IL16: variants seen among roughly 807,000 people sequenced by gnomAD.
The protein encoded by IL16 is pro-interleukin-16.
In IL16, 67 loss-of-function variants were observed where a neutral mutation model predicts 110.1. The ratio of observed to expected loss-of-function variants is 0.61; its 90% confidence interval spans 0.50 to 0.75. The LOEUF is 0.75. Ranked by LOEUF, IL16 falls within the 30% of genes least tolerant of loss-of-function variation. IL16 has a pLI of 0.00. For missense variants in IL16, 1,545 were observed against 1,655.0 expected (o/e 0.93, Z 1.15); for synonymous variants, 689 against 662.9 (o/e 1.04, Z -0.61).
chr15:81,278,913 T>C, intron 7 of IL16, 23 bp downstream of exon 7: 2 of 1,547,230 alleles, frequency 1.3e-6, no homozygotes, highest in Non-Finnish European at 1.8e-6. Flanking sequence ...TATCAACACG[T>C]GACCAAACTC....
chr15:81,264,444 GC>G (rs1898286550), intron 3 of IL16, among the ~76,000 whole-genome samples: 1 of 152,088 alleles, frequency 6.6e-6, no homozygotes, highest in African/African-American at 2.4e-5. Flanking sequence ...TTCTTCTCAA[GC>G]TACCCTGGCC....
At chr15:81,195,667 C>T (rs2141932791), upstream of IL16, among the ~76,000 whole-genome samples, 1 of 152,312 alleles carries the variant, frequency 6.6e-6, no homozygotes, top group East Asian at 1.9e-4. Flanking sequence ...GTTGCACCTA[C>T]ACCCTCATTA....
Position 81,303,326 on chromosome 15 carries a change from A to C in IL16, c.3319-223A>C, listed in dbSNP as rs1338185256. Reference sequence around the variant, plus strand: ...GGGTGAATGAGAGAGGAAAATAATTATGCTTGCTGCTTTACATACATTTTT... The same window carrying C: ...GGGTGAATGAGAGAGGAAAATAATTCTGCTTGCTGCTTTACATACATTTTT... On this transcript the variant is annotated intron_variant, in intron 15 of 18. Transcript: ENST00000683961. This position sits in a 1 kb window ranked among gnomAD's most constrained non-coding sequence, Gnocchi z 4.1. 6 of 523,422 alleles carry C rather than the reference A, an allele frequency of 1.1e-5. No homozygotes were observed. Among genetic ancestry groups the C allele is most frequent in the Admixed American group, 3.3e-5 (1 of 29,876 alleles). The allele number at this position is 523,422 out of a possible 1,614,324, so 32.4% of individuals were successfully genotyped here. A position where few individuals can be genotyped will look rare whatever the true frequency, so the allele number is the denominator to read the frequency against.
At chr15:81,253,643 G>A (rs940620639) in intron 2 of IL16, among the ~76,000 whole-genome samples, 1 of 152,190 alleles carries the variant, frequency 6.6e-6, no homozygotes, top group African/African-American at 2.4e-5. Context: ...TGTGTATGGT[G>A]TGATAGAGGA....
chr15:81,304,711 G>C (rs1403734342), intron 16 of IL16, among the ~76,000 whole-genome samples: 1 of 152,098 alleles, frequency 6.6e-6, no homozygotes, highest in Non-Finnish European at 1.5e-5. Flanking sequence ...AATCTTCGTT[G>C]GCCTAAAAAT....
In IL16 at chr15:81,265,745, T is replaced by TG; in HGVS notation, c.509dup (p.Cys170TrpfsTer3). The TG allele has an allele frequency of 6.2e-7, 1 of 1,613,902 alleles. No homozygotes were observed. Among genetic ancestry groups the TG allele is most frequent in the Non-Finnish European group, 8.5e-7 (1 of 1,179,910 alleles). On this transcript the variant is annotated frameshift_variant, in exon 4 of 19. Coordinates refer to ENST00000683961, the MANE Select transcript of IL16 (RefSeq NM_172217.5). LOFTEE classifies it high-confidence loss of function. Reference sequence around the variant, plus strand: ...CACGGACAGGCAGCCTTACTCTCTCTGCAGTAACAGGAAGTCCCTCTCTCA... The same window carrying TG: ...CACGGACAGGCAGCCTTACTCTCTCTGGCAGTAACAGGAAGTCCCTCTCTCA...
chr15:81,245,897 G>A (rs1245289822), intron 2 of IL16, among the ~76,000 whole-genome samples: 2 of 151,774 alleles, frequency 1.3e-5, no homozygotes, highest in Non-Finnish European at 2.9e-5. Context: ...GTCTTCTTAT[G>A]TTTGTTTAAC....
At chr15:81,306,247 A>C in intron 17 of IL16, 81 bp downstream of exon 17, 2 of 1,547,726 alleles carry the variant, frequency 1.3e-6, no homozygotes, top group Non-Finnish European at 1.7e-6. Context: ...GGGGCTACTC[A>C]GTAATTTGTG....
rs1160729146 is a variant in IL16 at position 81,297,504 on chromosome 15, T to C, written c.2053+426T>C. 2.6e-5 allele frequency among the ~76,000 whole-genome samples: 4 copies of C among 152,288 alleles called. No homozygotes were observed. In the East Asian group the frequency reaches 5.8e-4, roughly 22 times the overall value. ...TAAATAGCATCTACCAGTGGTCACC[T>C]CCTCCATGAGGTGGATAGCAAGGGT... On this transcript the variant is annotated intron_variant, in intron 13 of 18. Transcript: ENST00000683961.
At chr15:81,194,474 A>G (rs1416221732), upstream of IL16, among the ~76,000 whole-genome samples, 2 of 151,230 alleles carry the variant, frequency 1.3e-5, no homozygotes, top group Admixed American at 6.6e-5. Flanking sequence ...TTAATTTTTA[A>G]AAATTAAATT....
intron 8 of IL16, 131 bp from the exon 9 acceptor site, chr15:81,282,508 C>T: frequency 2.8e-6 from 2 of 722,130 alleles, no homozygotes; most frequent in Non-Finnish European, 5.0e-6. Flanking sequence ...CACACAACGA[C>T]TACTCTGTGA....
At chr15:81,267,898 T>C (rs1898462538) in intron 4 of IL16, among the ~76,000 whole-genome samples, 1 of 152,184 alleles carries the variant, frequency 6.6e-6, no homozygotes, top group Non-Finnish European at 1.5e-5. Context: ...CAGATTTCAA[T>C]GCTCATCTCA....
At chr15:81,277,688 A>G (rs1898975321) in intron 6 of IL16, among the ~76,000 whole-genome samples, 1 of 152,170 alleles carries the variant, frequency 6.6e-6, no homozygotes, top group Admixed American at 6.5e-5. Context: ...AAGCGCTGGG[A>G]TTAGAGGTGT....
At chr15:81,294,547 C>A (rs943850399) in intron 12 of IL16, among the ~76,000 whole-genome samples, 1 of 152,194 alleles carries the variant, frequency 6.6e-6, no homozygotes, top group Non-Finnish European at 1.5e-5. Context: ...AGGCAAGGAA[C>A]TTCCCACAGG....
intron 1 of IL16, 101 bp from the exon 2 acceptor site, chr15:81,225,198 C>A: frequency 1.1e-6 from 1 of 938,556 alleles, no homozygotes; most frequent in Non-Finnish European, 1.5e-6. Flanking sequence ...TGTCCTGCTT[C>A]ACGGGCACCA....
intron 6 of IL16, among the ~76,000 whole-genome samples, chr15:81,275,248 GA>G (rs954742270): frequency 5.3e-5 from 8 of 151,016 alleles, no homozygotes; most frequent in African/African-American, 1.9e-4. Flanking sequence ...GTCCAGCAGG[GA>G]AATGACATCC....
At chr15:81,200,067 T>A (rs1895753911) in intron 1 of IL16, among the ~76,000 whole-genome samples, 1 of 152,142 alleles carries the variant, frequency 6.6e-6, no homozygotes. Context: ...ACTTAGCGGG[T>A]TGGAACCAAC....
At chr15:81,243,045 C>A (rs1187931267) in intron 2 of IL16, among the ~76,000 whole-genome samples, 2 of 147,566 alleles carry the variant, frequency 1.4e-5, no homozygotes, top group African/African-American at 2.5e-5. Context: ...GCCATCCTTG[C>A]ATTCCAAGAA....
intron 2 of IL16, among the ~76,000 whole-genome samples, chr15:81,233,897 T>C (rs754616721): frequency 1.3e-5 from 2 of 152,134 alleles, no homozygotes; most frequent in Non-Finnish European, 2.9e-5. Context: ...ATTATTATTG[T>C]AGATTGGTCT....
Sources: gnomAD v4.1 joint callset for allele counts (sites outside exome capture counted in the v4.1 genomes callset) on GRCh38, gnomAD v4.1.1 for gene constraint, Gnocchi (gnomAD v3.1) non-coding constraint, MANE v1.5 for transcripts, NCBI Gene and HGNC (gene_info 2026-07-23, HGNC 2026-07-21) for gene names.